The following BICC1 variants were observed in gnomAD, a reference collection of about 807,000 sequenced individuals.
BICC1 encodes protein bicaudal C homolog 1.
BICC1 carries 43 observed loss-of-function variants against 111.0 expected under a neutral mutation model. That is an observed-to-expected ratio of 0.39 (90% CI 0.30 to 0.50). The LOEUF (loss-of-function observed/expected upper bound fraction) is 0.50, where lower values mean the gene tolerates loss of function less well. Among genes scored for constraint, BICC1 ranks in the 20% least tolerant of loss-of-function variants. The pLI, the probability that BICC1 is intolerant of heterozygous loss-of-function variation, is 0.88. For synonymous variants in BICC1, 467 were observed against 434.4 expected (o/e 1.07, Z -0.93); for missense variants, 1,091 against 1,203.2 (o/e 0.91, Z 1.38).
intron 9 of BICC1, among the ~76,000 whole-genome samples, 154 bp from the exon 10 acceptor site, chr10:58,796,186 G>A (rs531138799): frequency 4.6e-5 from 7 of 152,282 alleles, no homozygotes; most frequent in African/African-American, 1.7e-4. Context: ...TAAGCACGAA[G>A]TGGTTAGAAT....
At chr10:58,588,761 C>T (rs1221611831) in intron 1 of BICC1, among the ~76,000 whole-genome samples, 2 of 152,182 alleles carry the variant, frequency 1.3e-5, no homozygotes, top group Non-Finnish European at 2.9e-5. Context: ...AAATAGTTAA[C>T]ATCCAATATC....
At chr10:58,665,665 G>A (rs1838985794) in intron 2 of BICC1, among the ~76,000 whole-genome samples, 3 of 152,104 alleles carry the variant, frequency 2.0e-5, no homozygotes, top group Admixed American at 2.0e-4. Context: ...GAATCACTAA[G>A]GGAAAGTTTT....
chr10:58,821,334 C>G (rs1424124311), intron 20 of BICC1, among the ~76,000 whole-genome samples: 1 of 152,106 alleles, frequency 6.6e-6, no homozygotes, highest in African/African-American at 2.4e-5. Context: ...AAAATGAATG[C>G]TTTTTCAGAA....
intron 3 of BICC1, among the ~76,000 whole-genome samples, chr10:58,722,451 T>A (rs1383398015): frequency 2.0e-5 from 3 of 152,354 alleles, no homozygotes; most frequent in Non-Finnish European, 4.4e-5. Context: ...ATTTAATAAA[T>A]TTTGGAGAAT....
chr10:58,698,277 C>T (rs1291517269), intron 2 of BICC1, among the ~76,000 whole-genome samples: 3 of 152,150 alleles, frequency 2.0e-5, no homozygotes, highest in Non-Finnish European at 4.4e-5. Flanking sequence ...AGACACGTTA[C>T]CTGTCCTGGA....
intron 14 of BICC1, among the ~76,000 whole-genome samples, chr10:58,802,117 C>T (rs1843565597): frequency 6.6e-6 from 1 of 152,182 alleles, no homozygotes; most frequent in Non-Finnish European, 1.5e-5. Flanking sequence ...ACTCTGGCTT[C>T]AAATCACCAA....
intron 2 of BICC1, among the ~76,000 whole-genome samples, chr10:58,674,213 C>T (rs191232675): frequency 5.8e-4 from 88 of 152,196 alleles, no homozygotes; most frequent in African/African-American, 1.9e-3. Context: ...CAGTCCCTAT[C>T]CTATTTGCTG....
chr10:58,619,684 A>T (rs370566970), intron 1 of BICC1, among the ~76,000 whole-genome samples: 1 of 152,148 alleles, frequency 6.6e-6, no homozygotes, highest in Admixed American at 6.5e-5. Flanking sequence ...TATGTTTGCC[A>T]GGATGGTCTT....
At chr10:58,582,503 T>C (rs1210068433) in intron 1 of BICC1, among the ~76,000 whole-genome samples, 1 of 152,210 alleles carries the variant, frequency 6.6e-6, no homozygotes, top group Admixed American at 6.5e-5. Flanking sequence ...TAAATTCTTA[T>C]TAGCTTCAGT....
chr10:58,575,264 T>C (rs933557385), intron 1 of BICC1, among the ~76,000 whole-genome samples: 9 of 151,912 alleles, frequency 5.9e-5, no homozygotes, highest in South Asian at 2.1e-4. Context: ...CTCCCACTTA[T>C]GAGTGAGAAC....
chr10:58,758,170 G>C (rs916922167), intron 3 of BICC1, among the ~76,000 whole-genome samples: 4 of 151,934 alleles, frequency 2.6e-5, no homozygotes, highest in African/African-American at 9.7e-5. Context: ...TTTTTTGGTT[G>C]GAAAAATATG....
chr10:58,708,066 A>G (rs1293086900), intron 3 of BICC1, among the ~76,000 whole-genome samples: 9 of 107,546 alleles, frequency 8.4e-5, no homozygotes, highest in South Asian at 2.9e-4. Flanking sequence ...CTGGTCGTGA[A>G]CTCCTGACCT....
chr10:58,795,697 A>G (rs1345044378), intron 9 of BICC1, among the ~76,000 whole-genome samples: 1 of 151,350 alleles, frequency 6.6e-6, no homozygotes, highest in Non-Finnish European at 1.5e-5. Context: ...TTGAGTTCAC[A>G]TTTCAAATTT....
intron 2 of BICC1, among the ~76,000 whole-genome samples, chr10:58,643,666 G>A (rs187207230): frequency 1.1e-4 from 16 of 152,332 alleles, no homozygotes; most frequent in Non-Finnish European, 1.8e-4. Context: ...GAAAATAAGT[G>A]TTGGAAAATA....
intron 1 of BICC1, among the ~76,000 whole-genome samples, chr10:58,606,802 T>C (rs1036122114): frequency 4.6e-5 from 7 of 152,212 alleles, no homozygotes; most frequent in Non-Finnish European, 7.3e-5. Flanking sequence ...TGGAACCTTA[T>C]GTTTTTTGGT....
intron 18 of BICC1, among the ~76,000 whole-genome samples, chr10:58,815,881 T>C (rs1844071794): frequency 6.6e-6 from 1 of 152,200 alleles, no homozygotes; most frequent in Non-Finnish European, 1.5e-5. Flanking sequence ...TCTTAGGTTG[T>C]ACAAAGGCTT....
At chr10:58,516,705 A>C (rs1473643891) in intron 1 of BICC1, among the ~76,000 whole-genome samples, 2 of 152,212 alleles carry the variant, frequency 1.3e-5, no homozygotes, top group African/African-American at 2.4e-5. Context: ...AAATCCTTAT[A>C]TAATTTCTTT....
At chr10:58,737,551 A>G (rs537273710) in intron 3 of BICC1, among the ~76,000 whole-genome samples, 7 of 152,344 alleles carry the variant, frequency 4.6e-5, no homozygotes, top group South Asian at 2.1e-4. Flanking sequence ...TAGTGCCACA[A>G]TAAACATAGG....
chr10:58,758,635 A>G (rs1428717240), intron 3 of BICC1, among the ~76,000 whole-genome samples: 1 of 152,214 alleles, frequency 6.6e-6, no homozygotes, highest in Non-Finnish European at 1.5e-5. Context: ...ATAATTACCC[A>G]AAGCTGCCAA....
Sources: allele counts gnomAD v4.1 joint callset (sites outside exome capture counted in the v4.1 genomes callset), GRCh38; gene constraint gnomAD v4.1.1; transcripts MANE v1.5; gene names NCBI Gene and HGNC (gene_info 2026-07-23, HGNC 2026-07-21).